The following PLEKHH1 variants were observed in gnomAD, a reference collection of about 807,000 sequenced individuals.
The protein encoded by PLEKHH1 is pleckstrin homology, MyTH4 and FERM domain containing H1.
Under a neutral mutation model 160.0 loss-of-function variants are expected in PLEKHH1, and 104 were observed. The ratio of observed to expected loss-of-function variants is 0.65; its 90% CI spans 0.55 to 0.76. PLEKHH1 has a LOEUF of 0.76. Ranked by LOEUF, PLEKHH1 falls within the 30% of genes least tolerant of loss-of-function variation. PLEKHH1 has a pLI of 0.00. For synonymous variants in PLEKHH1, 619 were observed against 678.4 expected, an observed-to-expected ratio of 0.91 and a Z score of 1.36; for missense variants, 1,427 against 1,724.1, an observed-to-expected ratio of 0.83 and a Z score of 3.05.
intron 5 of PLEKHH1, among the ~76,000 whole-genome samples, chr14:67,560,933 G>T (rs569344798): frequency 2.6e-5 from 4 of 152,098 alleles, no homozygotes; most frequent in Non-Finnish European, 5.9e-5. Flanking sequence ...GTTTCGTTAT[G>T]TTGGCCAGGC....
In PLEKHH1 at chr14:67,573,670, C is replaced by T. The variant is rs1255020687; in HGVS notation, c.1840-131C>T. The T allele has an allele frequency of 1.4e-6, 1 of 716,512 alleles. No homozygotes were observed. The highest frequency in any genetic ancestry group is 2.5e-6 in the Non-Finnish European group (1 of 395,156). The allele number at this position is 716,512 out of a possible 1,614,324, so 44.4% of individuals were successfully genotyped here. A position where few individuals can be genotyped will look rare whatever the true frequency, so the allele number is the denominator to read the frequency against. On this transcript the variant is annotated intron_variant, in intron 12 of 28. Coordinates refer to ENST00000329153, the MANE Select transcript of PLEKHH1 (RefSeq NM_020715.3). This position sits in a 1 kb window ranked among gnomAD's most constrained non-coding sequence, Gnocchi z 4.8. ...CCAGAATCTAGAATAAGTCACCCATCATAACACAGCCAGAATGCTGGGAAT... is the reference window on the plus strand; with the variant it reads ...CCAGAATCTAGAATAAGTCACCCATTATAACACAGCCAGAATGCTGGGAAT...
Position 67,583,872 on chromosome 14 carries a change from T to A in PLEKHH1, c.3558T>A (p.Ala1186=). ...HPRRYRHGAP[A]EQLRHLADML... ...GGCGCTATAGACATGGGGCCCCCGC[T>A]GAACAGCTGAGGTAGGTAGGCTACA... Residue 1186 remains alanine (A), a synonymous_variant, in exon 25 of 29, where the codon GCT becomes GCA. Coordinates refer to ENST00000329153, the MANE Select transcript of PLEKHH1 (RefSeq NM_020715.3). 2 of 1,613,792 alleles carry A rather than the reference T, an allele frequency of 1.2e-6. No individual in the cohort carries two copies. Among genetic ancestry groups the A allele is most frequent in the African/African-American group, 1.3e-5 (1 of 75,042 alleles).
At chr14:67,543,729 A>G (rs1381091417) in intron 2 of PLEKHH1, among the ~76,000 whole-genome samples, 1 of 152,162 alleles carries the variant, frequency 6.6e-6, no homozygotes, top group East Asian at 1.9e-4. Flanking sequence ...AGTCTGAGAT[A>G]TATCTCGGAG....
chr14:67,582,816 G>A lies in PLEKHH1; in HGVS notation c.3426+606G>A, dbSNP rs779616680. On this transcript the variant is annotated intron_variant, in intron 24 of 28. Transcript: ENST00000329153. The surrounding 1 kb of genome is among the most constrained non-coding windows in gnomAD (Gnocchi z 5.0). ...CATGCCATTGCACTACAGCCTAGGC[G>A]ACAACAGCAAAACTCTGTCTCAAAA... is the stretch of plus-strand genomic sequence containing the variant. 6.6e-5 allele frequency among the ~76,000 whole-genome samples: 10 copies of A among 152,084 alleles called. No individual in the cohort carries two copies. The highest frequency in any genetic ancestry group is 4.1e-4 in the South Asian group (2 of 4,832).
At position 67,552,282 on chromosome 14, in the gene PLEKHH1, G is replaced by A. The variant is rs117960580; in HGVS notation, c.127-3543G>A. ...GAGGACCCTGGAACAGCCAAATAAGGGTTCTATAGCACCAGCTTTGCAGAG... is the reference window on the plus strand; with the variant it reads ...GAGGACCCTGGAACAGCCAAATAAGAGTTCTATAGCACCAGCTTTGCAGAG... On this transcript the variant is annotated intron_variant, in intron 2 of 28. Transcript: ENST00000329153. 3.5e-3 allele frequency among the ~76,000 whole-genome samples: 537 copies of A among 152,280 alleles called. 3 individuals carry two copies. Among genetic ancestry groups the A allele is most frequent in the Middle Eastern group, 0.02 (6 of 294 alleles).
At chr14:67,569,879 G>A in intron 8 of PLEKHH1, 42 bp from the exon 9 acceptor site, 1 of 1,309,602 alleles carries the variant, frequency 7.6e-7, no homozygotes, top group South Asian at 1.2e-5. Flanking sequence ...CCCTTCCTGG[G>A]TTATGCCCTT....
chr14:67,567,784 C>T (rs150097912), intron 7 of PLEKHH1, among the ~76,000 whole-genome samples: 1,805 of 152,342 alleles, frequency 0.012, 23 homozygotes, highest in Middle Eastern at 0.041. Flanking sequence ...GGTGACAGCA[C>T]ATCTAGCTAC....
intron 2 of PLEKHH1, among the ~76,000 whole-genome samples, chr14:67,553,007 C>G (rs1456278003): frequency 6.6e-6 from 1 of 152,178 alleles, no homozygotes; most frequent in Non-Finnish European, 1.5e-5. Context: ...CTGGTTCTGA[C>G]CAATGTCATT....
intron 7 of PLEKHH1, among the ~76,000 whole-genome samples, chr14:67,568,129 G>A (rs996823963): frequency 7.2e-5 from 11 of 152,098 alleles, no homozygotes; most frequent in South Asian, 2.1e-4. Flanking sequence ...GGGAAAAAAC[G>A]TGCCCTAAGT....
chr14:67,569,032 C>G lies in PLEKHH1; in HGVS notation c.1264-106C>G, dbSNP rs570152687. 10 of 694,660 alleles carry G rather than the reference C, an allele frequency of 1.4e-5. 1 individual carries two copies. The highest frequency in any genetic ancestry group is 1.1e-4 in the East Asian group (4 of 37,350). The allele number at this position is 694,660 out of a possible 1,614,324, so 43.0% of individuals were successfully genotyped here. On this transcript the variant is annotated intron_variant, in intron 7 of 28. Coordinates refer to ENST00000329153, the MANE Select transcript of PLEKHH1 (RefSeq NM_020715.3). ...GATTTGTTAGCCAGTCACTGCCCCC[C>G]ACAGGTCTGCCCACCCCCAAAGCCA...
intron 2 of PLEKHH1, among the ~76,000 whole-genome samples, chr14:67,553,969 G>C (rs903724686): frequency 3.9e-5 from 6 of 152,184 alleles, no homozygotes; most frequent in Non-Finnish European, 5.9e-5. Context: ...CTGTCAGAGG[G>C]GGCCCTATCC....
At chr14:67,570,073 C>A in intron 9 of PLEKHH1, 61 bp downstream of exon 9, 1 of 1,150,714 alleles carries the variant, frequency 8.7e-7, no homozygotes, top group Non-Finnish European at 1.3e-6. Context: ...GCCTCATCAT[C>A]CAATGACTGG....
At chr14:67,570,116 G>GT in intron 9 of PLEKHH1, 104 bp downstream of exon 9, 1 of 841,612 alleles carries the variant, frequency 1.2e-6, no homozygotes, top group Non-Finnish European at 1.9e-6. Context: ...TCTGCACATG[G>GT]TGACCCTGCC....
At chr14:67,540,270 C>T (rs1408278963) in intron 1 of PLEKHH1, among the ~76,000 whole-genome samples, 28 of 152,128 alleles carry the variant, frequency 1.8e-4, no homozygotes, top group Admixed American at 1.8e-3. Flanking sequence ...TATTTTAAAA[C>T]AAATCCCAGA....
intron 28 of PLEKHH1, chr14:67,586,514 G>A: frequency 3.7e-6 from 3 of 810,976 alleles, no homozygotes; most frequent in Non-Finnish European, 3.6e-6. Context: ...AAGTGGGACA[G>A]TCCCACAGTG....
At chr14:67,541,276 G>A (rs1235309812) in intron 1 of PLEKHH1, among the ~76,000 whole-genome samples, 1 of 152,150 alleles carries the variant, frequency 6.6e-6, no homozygotes, top group Non-Finnish European at 1.5e-5. Context: ...TTAGCTATGT[G>A]ACCTTGGATG....
At chr14:67,568,572 T>C (rs1346117934) in intron 7 of PLEKHH1, among the ~76,000 whole-genome samples, 1 of 151,954 alleles carries the variant, frequency 6.6e-6, no homozygotes, top group African/African-American at 2.4e-5. Flanking sequence ...AACCTGCACA[T>C]CTTGCATACG....
intron 3 of PLEKHH1, 23 bp downstream of exon 3, chr14:67,555,910 G>T: frequency 6.2e-7 from 1 of 1,611,172 alleles, no homozygotes; most frequent in South Asian, 1.1e-5. Context: ...GGGGATCGGC[G>T]GGAATATGCA....
At chr14:67,568,111 T>C (rs375478278) in intron 7 of PLEKHH1, among the ~76,000 whole-genome samples, 95 of 152,312 alleles carry the variant, frequency 6.2e-4, no homozygotes, top group African/African-American at 2.2e-3. Flanking sequence ...ATGACATTAT[T>C]CCTGCAGGGG....
Sources: allele counts gnomAD v4.1 joint callset (sites outside exome capture counted in the v4.1 genomes callset), GRCh38; gene constraint gnomAD v4.1.1; non-coding constraint Gnocchi (gnomAD v3.1); transcripts MANE v1.5; gene names NCBI Gene and HGNC (gene_info 2026-07-23, HGNC 2026-07-21).